The following PLD1 variants were observed in gnomAD, a reference collection of about 807,000 sequenced individuals.
The protein encoded by PLD1 is choline phosphatase 1.
Under a neutral mutation model 137.1 loss-of-function variants are expected in PLD1, and 112 were observed. The observed-to-expected ratio is 0.82, with a 90% confidence interval of 0.70 to 0.96. The LOEUF is 0.96. Ranked by LOEUF, PLD1 falls within the 40% of genes least tolerant of loss-of-function variation. The probability of loss-of-function intolerance (pLI) is 0.00; values close to 1 mark genes in which losing one functional copy is unlikely to be tolerated. For synonymous variants in PLD1, 431 were observed against 454.7 expected (o/e 0.95, Z 0.66); for missense variants, 1,321 against 1,342.0 (o/e 0.98, Z 0.24).
In PLD1 at chr3:171,639,844, C is replaced by CTATATATA. The variant is rs1365797079; in HGVS notation, c.2593+2995_2593+2996insTATATATA. On this transcript the variant is annotated intron_variant, in intron 23 of 26. Transcript: ENST00000351298. Reference sequence around the variant, plus strand: ...TTTCTCTCTCTCTCTCTCTCTCTCTCTCTCTATATATATATATATATCTCC... The same window carrying CTATATATA: ...TTTCTCTCTCTCTCTCTCTCTCTCTCTATATATATCTCTATATATATATATATATCTCC... 3.2e-4 allele frequency among the ~76,000 whole-genome samples: 36 copies of CTATATATA among 113,486 alleles called. 1 individual carries two copies. Among genetic ancestry groups the CTATATATA allele is most frequent in the African/African-American group, 1.3e-3 (32 of 25,214 alleles). 74.5% of individuals were successfully genotyped at this position (113,486 alleles called of 152,430 possible).
intron 1 of PLD1, among the ~76,000 whole-genome samples, chr3:171,787,787 A>AT (rs142198082): frequency 0.031 from 4,716 of 151,700 alleles, 276 homozygotes; most frequent in African/African-American, 0.11. Context: ...AAAAGAAAAT[A>AT]TTTTTTCCCT....
At chr3:171,707,074 C>A (rs1304698073) in intron 11 of PLD1, among the ~76,000 whole-genome samples, 1 of 152,098 alleles carries the variant, frequency 6.6e-6, no homozygotes, top group Non-Finnish European at 1.5e-5. Flanking sequence ...GAACAAAAAA[C>A]CGAATACTAC....
intron 16 of PLD1, among the ~76,000 whole-genome samples, chr3:171,684,354 C>T (rs1054120641): frequency 2.0e-5 from 3 of 152,138 alleles, no homozygotes; most frequent in Non-Finnish European, 4.4e-5. Context: ...AACGATAAGG[C>T]ACTACCTGGA....
rs1283228862 is a variant in PLD1 at position 171,704,462 on chromosome 3, A to AC, written c.1145+4292_1145+4293insG. On this transcript the variant is annotated intron_variant, in intron 11 of 26. Coordinates refer to ENST00000351298, the MANE Select transcript of PLD1 (RefSeq NM_002662.5). ...ACCTGGCACACAAAGAACCAGGAAA[A>AC]AAAAAAAAAAAAAAACCTTATCTTG... is the stretch of plus-strand genomic sequence containing the variant. 1.3e-3 allele frequency among the ~76,000 whole-genome samples: 202 copies of AC among 150,952 alleles called. 3 individuals carry two copies. The highest frequency in any genetic ancestry group is 4.7e-3 in the African/African-American group (193 of 40,696).
intron 23 of PLD1, among the ~76,000 whole-genome samples, chr3:171,633,690 G>A (rs796272195): frequency 1.8e-4 from 27 of 152,176 alleles, no homozygotes; most frequent in Admixed American, 7.8e-4. Flanking sequence ...AGGAAATTTC[G>A]TGAAAGGACA....
intron 25 of PLD1, chr3:171,611,687 C>T: frequency 2.0e-6 from 1 of 506,116 alleles, no homozygotes; most frequent in Non-Finnish European, 3.9e-6. Context: ...CACTGGCATA[C>T]CCCTTCAATA....
At chr3:171,808,120 C>T (rs1723929622) in intron 1 of PLD1, among the ~76,000 whole-genome samples, 1 of 152,130 alleles carries the variant, frequency 6.6e-6, no homozygotes. Flanking sequence ...TTATCAGGTA[C>T]TATGCTCACC....
At chr3:171,738,536 T>G (rs1351684752) in intron 1 of PLD1, among the ~76,000 whole-genome samples, 1 of 152,188 alleles carries the variant, frequency 6.6e-6, no homozygotes, top group Admixed American at 6.5e-5. Context: ...TTGAAATATA[T>G]AGATTTAGAA....
intron 1 of PLD1, among the ~76,000 whole-genome samples, chr3:171,804,310 G>C (rs936564558): frequency 1.3e-5 from 2 of 151,842 alleles, no homozygotes; most frequent in Non-Finnish European, 2.9e-5. Context: ...GCCACAGACT[G>C]TCCATTCTAC....
intron 1 of PLD1, among the ~76,000 whole-genome samples, chr3:171,764,920 GAAAGGAAAGAAAGGAAAGAAAGAAA>G (rs1173612991): frequency 0.051 from 1,707 of 33,542 alleles, 296 homozygotes; most frequent in Middle Eastern, 0.15. Context: ...AGGAAAGAAA[GAAAGGAAAGAAAGGAAAGAAAGAAA>G]GAAAGAAAGA....
At chr3:171,639,926 G>A (rs1735600449) in intron 23 of PLD1, among the ~76,000 whole-genome samples, 2 of 145,382 alleles carry the variant, frequency 1.4e-5, no homozygotes, top group South Asian at 4.2e-4. Context: ...AAAGGAATTT[G>A]TCCATCTATC....
intron 6 of PLD1, among the ~76,000 whole-genome samples, chr3:171,733,014 C>T (rs1257974263): frequency 6.6e-6 from 1 of 152,176 alleles, no homozygotes; most frequent in Non-Finnish European, 1.5e-5. Context: ...GCATGACAAA[C>T]CAATCAGATG....
chr3:171,786,190 TAA>T (rs1723007617), intron 1 of PLD1, among the ~76,000 whole-genome samples: 1 of 152,234 alleles, frequency 6.6e-6, no homozygotes, highest in Non-Finnish European at 1.5e-5. Context: ...TACCCACCAA[TAA>T]ACTTTTCCAA....
At chr3:171,637,308 T>C (rs1217149709) in intron 23 of PLD1, among the ~76,000 whole-genome samples, 1 of 152,234 alleles carries the variant, frequency 6.6e-6, no homozygotes, top group Non-Finnish European at 1.5e-5. Flanking sequence ...CAATCTTGGC[T>C]CACTGCAACC....
At chr3:171,611,358 AG>A (rs1732642607) in intron 25 of PLD1, 1 of 209,048 alleles carries the variant, frequency 4.8e-6, no homozygotes. Context: ...TGAGATAAGA[AG>A]CCATTGGACA....
chr3:171,647,355 A>AT (rs889381920), intron 21 of PLD1, among the ~76,000 whole-genome samples: 31 of 152,090 alleles, frequency 2.0e-4, no homozygotes, highest in African/African-American at 7.5e-4. Flanking sequence ...TATTACATAC[A>AT]TTTTTTTCTT....
chr3:171,608,015 A>G (rs541387722), intron 25 of PLD1, among the ~76,000 whole-genome samples: 3 of 152,220 alleles, frequency 2.0e-5, no homozygotes, highest in Non-Finnish European at 4.4e-5. Context: ...AATGTTTCCT[A>G]ATAAAAAGAG....
At chr3:171,807,223 AC>A (rs1181377257) in intron 1 of PLD1, among the ~76,000 whole-genome samples, 1,916 of 152,228 alleles carry the variant, frequency 0.013, 28 homozygotes, top group Non-Finnish European at 0.015. Flanking sequence ...TGGGAGTATC[AC>A]TTGAGCCTAG....
intron 1 of PLD1, among the ~76,000 whole-genome samples, chr3:171,795,275 AC>A (rs1439438663): frequency 1.3e-5 from 2 of 152,232 alleles, no homozygotes; most frequent in African/African-American, 4.8e-5. Context: ...TGGCAGTCAT[AC>A]ATGTGCAATC....
Sources: gnomAD v4.1 joint callset for allele counts (sites outside exome capture counted in the v4.1 genomes callset) on GRCh38, gnomAD v4.1.1 for gene constraint, MANE v1.5 for transcripts, NCBI Gene and HGNC (gene_info 2026-07-23, HGNC 2026-07-21) for gene names.